Variants in MDFIC observed in about 807,000 individuals in gnomAD.
The protein encoded by MDFIC is MyoD family inhibitor domain containing.
Under a neutral mutation model 23.2 loss-of-function variants are expected in MDFIC, and 17 were observed. That is an observed-to-expected ratio of 0.73 (90% CI 0.50 to 1.10). The LOEUF (loss-of-function observed/expected upper bound fraction) is 1.10, where lower values mean the gene tolerates loss of function less well. Ranked by LOEUF, MDFIC falls within the 50% of genes least tolerant of loss-of-function variation. MDFIC has a pLI of 0.00. For synonymous variants in MDFIC, 120 were observed against 115.2 expected (o/e 1.04, Z -0.27); for missense variants, 356 against 316.6 (o/e 1.12, Z -0.95).
intron 3 of MDFIC, among the ~76,000 whole-genome samples, chr7:114,953,746 A>T (rs958863045): frequency 6.6e-6 from 1 of 152,212 alleles, no homozygotes; most frequent in Non-Finnish European, 1.5e-5. Context: ...GATGCCTTAT[A>T]TAAAATGGCA....
intron 4 of MDFIC, among the ~76,000 whole-genome samples, chr7:115,000,247 C>A (rs529292527): frequency 2.0e-5 from 3 of 152,254 alleles, no homozygotes; most frequent in Admixed American, 2.0e-4. Flanking sequence ...ACATGCTGAA[C>A]CACTTTGTAG....
At chr7:114,956,586 A>C (rs944973514) in intron 3 of MDFIC, among the ~76,000 whole-genome samples, 3 of 152,060 alleles carry the variant, frequency 2.0e-5, no homozygotes, top group Admixed American at 6.6e-5. Context: ...GAAACCAATG[A>C]TATGAGGTGG....
At chr7:115,008,911 TG>T (rs1293811951) in intron 4 of MDFIC, among the ~76,000 whole-genome samples, 1 of 152,208 alleles carries the variant, frequency 6.6e-6, no homozygotes, top group Non-Finnish European at 1.5e-5. Flanking sequence ...CACAGAGTCC[TG>T]TTATACCGCC....
chr7:114,993,278 T>G (rs1172691945), intron 4 of MDFIC, among the ~76,000 whole-genome samples: 1 of 152,178 alleles, frequency 6.6e-6, no homozygotes, highest in Non-Finnish European at 1.5e-5. Context: ...GTCTATCAAT[T>G]TTGTTGATCT....
rs144947942 is a variant in MDFIC at position 114,950,042 on chromosome 7, A to G, written c.217+7645A>G. ...GTGAGAAATGAGAAAGAATCTGTTA[A>G]AGACTAAGGGAAGATAGAAAGTATT... is the stretch of plus-strand genomic sequence containing the variant. On this transcript the variant is annotated intron_variant, in intron 3 of 4. Transcript: ENST00000393486. Among the ~76,000 whole-genome samples, 9 of 152,312 alleles carry G rather than the reference A, an allele frequency of 5.9e-5. No homozygotes were observed. The East Asian group carries it at 1.7e-3, about 29-fold the overall frequency.
chr7:115,010,380 A>C (rs941658612), intron 4 of MDFIC, among the ~76,000 whole-genome samples: 2 of 152,146 alleles, frequency 1.3e-5, no homozygotes, highest in East Asian at 1.9e-4. Context: ...AAAAAGACCC[A>C]CCAAAAAAAA....
At chr7:114,933,258 T>TTC (rs1792360226) in intron 2 of MDFIC, among the ~76,000 whole-genome samples, 1 of 151,022 alleles carries the variant, frequency 6.6e-6, no homozygotes, top group Non-Finnish European at 1.5e-5. Context: ...CCATTCTTTT[T>TTC]TTTTTTTTTT....
chr7:115,007,397 G>A (rs1791590083), intron 4 of MDFIC, among the ~76,000 whole-genome samples: 1 of 151,974 alleles, frequency 6.6e-6, no homozygotes, highest in South Asian at 2.1e-4. Flanking sequence ...ATTAAAGCTT[G>A]TGATCTTAAA....
chr7:114,949,434 A>G (rs1334395073), intron 3 of MDFIC, among the ~76,000 whole-genome samples: 1 of 152,154 alleles, frequency 6.6e-6, no homozygotes, highest in Non-Finnish European at 1.5e-5. Context: ...CAAGACCACA[A>G]ATGCTGTGGT....
At chr7:114,981,539 T>A (rs754875904) in intron 4 of MDFIC, among the ~76,000 whole-genome samples, 1 of 152,216 alleles carries the variant, frequency 6.6e-6, no homozygotes, top group Non-Finnish European at 1.5e-5. Context: ...TTCACACTTA[T>A]GGCCTACCAC....
At chr7:114,933,175 T>C (rs2115715210) in intron 2 of MDFIC, among the ~76,000 whole-genome samples, 1 of 152,206 alleles carries the variant, frequency 6.6e-6, no homozygotes, top group East Asian at 1.9e-4. Flanking sequence ...GTGGTGCATA[T>C]GCAAGTTATC....
At chr7:114,942,515 A>T in intron 3 of MDFIC, 118 bp downstream of exon 3, 1 of 763,140 alleles carries the variant, frequency 1.3e-6, no homozygotes, top group Non-Finnish European at 1.9e-6. Flanking sequence ...CGTTTATCTA[A>T]AAGTGGTTTC....
intron 2 of MDFIC, among the ~76,000 whole-genome samples, chr7:114,931,438 A>G (rs566790851): frequency 1.2e-3 from 178 of 152,290 alleles, no homozygotes; most frequent in African/African-American, 4.1e-3. Context: ...GCTAGCACAT[A>G]TATTTTACTA....
rs1032701914 is a variant in MDFIC at position 114,922,184 on chromosome 7, C to G, written c.-560C>G. On this transcript the variant is annotated 5_prime_UTR_variant, in exon 1 of 5. Transcript: ENST00000393486. ...GCCGGCTCTGGCCTCCTGACCCAGACAGCGCAGGGCGCGAGGGATCGCGCG... is the reference window on the plus strand; with the variant it reads ...GCCGGCTCTGGCCTCCTGACCCAGAGAGCGCAGGGCGCGAGGGATCGCGCG... 7.6e-6 allele frequency: 3 copies of G among 396,108 alleles called. No individual in the cohort carries two copies. Among genetic ancestry groups the G allele is most frequent in the Non-Finnish European group, 1.3e-5 (3 of 229,472 alleles). The allele number at this position is 396,108 out of a possible 1,614,324, so 24.5% of individuals were successfully genotyped here. A position where few individuals can be genotyped will look rare whatever the true frequency, so the allele number is the denominator to read the frequency against.
intron 3 of MDFIC, among the ~76,000 whole-genome samples, chr7:114,962,969 C>T (rs948988161): frequency 6.6e-6 from 1 of 152,156 alleles, no homozygotes; most frequent in African/African-American, 2.4e-5. Flanking sequence ...GTGTTTCTTT[C>T]TTGGAAAGTA....
rs141461988 is a variant in MDFIC at position 114,979,566 on chromosome 7, T to A, written c.278T>A (p.Ile93Lys). 2 of 1,613,868 alleles carry A rather than the reference T, an allele frequency of 1.2e-6. No homozygotes were observed. Among genetic ancestry groups the A allele is most frequent in the Non-Finnish European group, 1.7e-6 (2 of 1,179,968 alleles). ...GCCCAGGTGCCAAGTGGTGAGGAAA[T>A]AGGCAAGATAAAGAACGGCCACACA... ...TSAQVPSGEE[I>K]GKIKNGHTGL... The change falls in exon 4 of 5, where the codon ATA becomes AAA. Residue 93 changes from isoleucine (I) to lysine (K), a missense_variant. Ile to Lys is a moderately radical substitution (Grantham distance 102). Transcript: ENST00000393486.
intron 4 of MDFIC, among the ~76,000 whole-genome samples, chr7:114,994,224 A>G (rs556796109): frequency 1.3e-5 from 2 of 151,790 alleles, no homozygotes; most frequent in East Asian, 3.9e-4. Context: ...CCATCCCTTT[A>G]TTTTGAGCCT....
chr7:114,959,671 A>G (rs1166852430), intron 3 of MDFIC, among the ~76,000 whole-genome samples: 2 of 152,094 alleles, frequency 1.3e-5, no homozygotes, highest in Non-Finnish European at 2.9e-5. Context: ...TAACTGCTGA[A>G]ATTTCACACA....
intron 4 of MDFIC, chr7:114,980,051 C>A (rs1648588293): frequency 2.2e-6 from 1 of 449,386 alleles, no homozygotes. Context: ...TTTAATGCCA[C>A]ATTTAAAAAT....
Sources: gnomAD v4.1 joint callset for allele counts (sites outside exome capture counted in the v4.1 genomes callset) on GRCh38, gnomAD v4.1.1 for gene constraint, MANE v1.5 for transcripts, NCBI Gene and HGNC (gene_info 2026-07-23, HGNC 2026-07-21) for gene names.